TFCP2: variants seen among roughly 807,000 people sequenced by gnomAD.
TFCP2 encodes transcription factor CP2.
In TFCP2, 33 loss-of-function variants were observed where a neutral mutation model predicts 73.4. The observed-to-expected ratio is 0.45, with a 90% CI of 0.34 to 0.60. The LOEUF is 0.60. TFCP2 is among the 20% of genes least tolerant of loss of function. The pLI, the probability that TFCP2 is intolerant of heterozygous loss-of-function variation, is 0.01. For synonymous variants in TFCP2, 193 were observed against 211.6 expected (o/e 0.91, Z 0.76); for missense variants, 352 against 604.0 (o/e 0.58, Z 4.37).
intron 6 of TFCP2, among the ~76,000 whole-genome samples, chr12:51,107,906 A>G (rs1940292978): frequency 6.6e-6 from 1 of 151,430 alleles, no homozygotes; most frequent in East Asian, 2.0e-4. Flanking sequence ...GCCTAGCCTC[A>G]AAACATTTCA....
intron 9 of TFCP2, 70 bp from the exon 10 acceptor site, chr12:51,103,833 C>T: frequency 8.3e-7 from 1 of 1,206,718 alleles, no homozygotes; most frequent in Non-Finnish European, 1.2e-6. Flanking sequence ...TAACACATAG[C>T]CAAACACCCC....
At chr12:51,134,493 C>T (rs1941018862) in intron 1 of TFCP2, among the ~76,000 whole-genome samples, 1 of 152,030 alleles carries the variant, frequency 6.6e-6, no homozygotes, top group Non-Finnish European at 1.5e-5. Context: ...ACCATGTTGC[C>T]CACGCTGGTC....
rs112916785 is a variant in TFCP2, at chr12:51,107,386, C to A, written c.718-40G>T. On this transcript the variant is annotated intron_variant, in intron 6 of 14. Coordinates refer to ENST00000257915, the MANE Select transcript of TFCP2 (RefSeq NM_005653.5). Reference sequence around the variant, plus strand: ...ATTTTGTTTTAAATTCAGGTACTCACCTTTTAACCCAAAATATTGCTTCCA... The same window carrying A: ...ATTTTGTTTTAAATTCAGGTACTCAACTTTTAACCCAAAATATTGCTTCCA... The A allele has an allele frequency of 1.3e-5, 20 of 1,530,522 alleles. No homozygotes were observed. The African/African-American group carries it at 1.5e-4, about 12-fold the overall frequency. The allele number at this position is 1,530,522 out of a possible 1,614,324, so 94.8% of individuals were successfully genotyped here. A position where few individuals can be genotyped will look rare whatever the true frequency, so the allele number is the denominator to read the frequency against.
chr12:51,161,629 A>G (rs1256730080), intron 1 of TFCP2, among the ~76,000 whole-genome samples: 1 of 151,448 alleles, frequency 6.6e-6, no homozygotes, highest in Non-Finnish European at 1.5e-5. Flanking sequence ...GCGGTGAGCC[A>G]AGATCATGCC....
chr12:51,143,152 C>T (rs2137018619), intron 1 of TFCP2, among the ~76,000 whole-genome samples: 1 of 151,992 alleles, frequency 6.6e-6, no homozygotes, highest in South Asian at 2.1e-4. Context: ...TTAAGTATCT[C>T]TTTATTCTGA....
intron 1 of TFCP2, among the ~76,000 whole-genome samples, chr12:51,131,745 T>G (rs1266665023): frequency 1.3e-5 from 2 of 152,224 alleles, no homozygotes; most frequent in African/African-American, 4.8e-5. Context: ...TTCAAAGATT[T>G]ATTACCTACT....
intron 1 of TFCP2, among the ~76,000 whole-genome samples, chr12:51,154,233 G>A (rs929352718): frequency 6.6e-6 from 1 of 152,066 alleles, no homozygotes; most frequent in African/African-American, 2.4e-5. Context: ...TCTGATGGGG[G>A]GGATCCAAGA....
intron 8 of TFCP2, among the ~76,000 whole-genome samples, chr12:51,105,654 C>T (rs902110436): frequency 1.3e-5 from 2 of 151,944 alleles, no homozygotes; most frequent in Non-Finnish European, 2.9e-5. Context: ...ATTTGGTATT[C>T]GAACTTAGTA....
intron 12 of TFCP2, 40 bp downstream of exon 12, chr12:51,099,615 C>T: frequency 6.2e-7 from 1 of 1,603,448 alleles, no homozygotes; most frequent in Non-Finnish European, 8.5e-7. Flanking sequence ...ATCTCTTCAC[C>T]TTTCTTCATA....
intron 1 of TFCP2, among the ~76,000 whole-genome samples, chr12:51,145,796 C>T (rs1213800046): frequency 1.3e-5 from 2 of 150,934 alleles, no homozygotes; most frequent in Non-Finnish European, 1.5e-5. Flanking sequence ...ACAAAAAATA[C>T]AAAAAATTAG....
chr12:51,168,095 A>T (rs200860260), intron 1 of TFCP2, among the ~76,000 whole-genome samples: 15 of 4,748 alleles, frequency 3.2e-3, no homozygotes, highest in African/African-American at 6.6e-3. Flanking sequence ...AATTAAAATT[A>T]AAAAAAAATA....
At position 51,168,687 on chromosome 12, in the gene TFCP2, G is replaced by A. The variant is rs549977031; in HGVS notation, c.122+3614C>T. On this transcript the variant is annotated intron_variant, in intron 1 of 14. Transcript: ENST00000257915. ...TTTAGTAGAGAGAGGGTCTCCCTAT[G>A]TTGCCCAGGCTGATGAAAACTCTTG... is the stretch of plus-strand genomic sequence containing the variant. 2.6e-5 allele frequency among the ~76,000 whole-genome samples: 4 copies of A among 152,028 alleles called. No individual in the cohort carries two copies. In the South Asian group the frequency reaches 6.2e-4, roughly 24 times the overall value.
At chr12:51,115,180 C>T (rs998938628) in intron 4 of TFCP2, among the ~76,000 whole-genome samples, 10 of 122,348 alleles carry the variant, frequency 8.2e-5, no homozygotes, top group African/African-American at 2.2e-4. Flanking sequence ...AGTGCAGTGG[C>T]GTGGTCTTGG....
At chr12:51,158,612 C>T (rs1337640435) in intron 1 of TFCP2, among the ~76,000 whole-genome samples, 2 of 151,358 alleles carry the variant, frequency 1.3e-5, no homozygotes, top group Non-Finnish European at 2.9e-5. Context: ...CCTCGGCCTC[C>T]CGAGTAGCTG....
Position 51,098,908 on chromosome 12 carries a change from A to C in TFCP2, c.1287T>G (p.Ala429=). 6.2e-7 allele frequency: 1 copy of C among 1,614,132 alleles called. No homozygotes were observed. Among genetic ancestry groups the C allele is most frequent in the East Asian group, 2.2e-5 (1 of 44,880 alleles). Residue 429 remains alanine, a synonymous_variant, in exon 13 of 15, where the codon GCT becomes GCG. Transcript: ENST00000257915. ...CAGCTGTTAGTTCTTCTAGATAGAT[A>C]GCATGGTAAACTGCAAAAGGGAGAG... ...DSNGTFFVYH[A]IYLEELTAVE... is the part of the protein sequence containing the mutation.
At chr12:51,163,794 A>G (rs892656656) in intron 1 of TFCP2, among the ~76,000 whole-genome samples, 3 of 151,990 alleles carry the variant, frequency 2.0e-5, no homozygotes, top group Non-Finnish European at 4.4e-5. Flanking sequence ...TAAAAAAAAG[A>G]AAGACCTTAA....
intron 1 of TFCP2, among the ~76,000 whole-genome samples, chr12:51,158,613 C>T (rs1197661546): frequency 6.6e-6 from 1 of 151,612 alleles, no homozygotes; most frequent in Non-Finnish European, 1.5e-5. Flanking sequence ...CTCGGCCTCC[C>T]GAGTAGCTGG....
At chr12:51,165,936 C>T (rs1411263191) in intron 1 of TFCP2, among the ~76,000 whole-genome samples, 2 of 151,828 alleles carry the variant, frequency 1.3e-5, no homozygotes, top group African/African-American at 4.8e-5. Flanking sequence ...GCTTGATCCC[C>T]GGGAGTTCGA....
chr12:51,171,576 C>G (rs1052293646), intron 1 of TFCP2, among the ~76,000 whole-genome samples: 1 of 152,104 alleles, frequency 6.6e-6, no homozygotes, highest in Non-Finnish European at 1.5e-5. Context: ...CGGGGTTTCA[C>G]CACGTTGGCC....
Sources: allele counts gnomAD v4.1 joint callset (sites outside exome capture counted in the v4.1 genomes callset), GRCh38; gene constraint gnomAD v4.1.1; transcripts MANE v1.5; gene names NCBI Gene and HGNC (gene_info 2026-07-23, HGNC 2026-07-21).